The following ACER2 variants were observed in gnomAD, a reference collection of about 807,000 sequenced individuals.
ACER2 encodes alkCDase 2.
In ACER2, 26 loss-of-function variants were observed where a neutral mutation model predicts 34.7. The ratio of observed to expected loss-of-function variants is 0.75; its 90% CI spans 0.55 to 1.04. The LOEUF is 1.04. Among genes scored for constraint, ACER2 ranks in the 50% least tolerant of loss-of-function variants. The pLI is 0.00. For missense variants in ACER2, 352 were observed against 340.8 expected, an observed-to-expected ratio of 1.03 and a Z score of -0.26; for synonymous variants, 138 against 132.1, an observed-to-expected ratio of 1.04 and a Z score of -0.31.
intron 1 of ACER2, among the ~76,000 whole-genome samples, chr9:19,410,716 T>A (rs560720470): frequency 2.0e-5 from 3 of 152,096 alleles, no homozygotes; most frequent in Non-Finnish European, 2.9e-5. Context: ...AACCTGGCCC[T>A]CTGCTGACCA....
intron 4 of ACER2, among the ~76,000 whole-genome samples, chr9:19,444,873 G>A (rs962545734): frequency 6.6e-6 from 1 of 152,210 alleles, no homozygotes; most frequent in Non-Finnish European, 1.5e-5. Flanking sequence ...AACTTTTCAA[G>A]GGATGTATTT....
intron 3 of ACER2, among the ~76,000 whole-genome samples, chr9:19,430,421 C>T (rs376530785): frequency 6.2e-4 from 95 of 152,274 alleles, no homozygotes; most frequent in South Asian, 5.4e-3. Flanking sequence ...TCATCAATCA[C>T]AGTTTAGAAA....
chr9:19,445,651 T>C (rs1483020892), intron 4 of ACER2, among the ~76,000 whole-genome samples: 2 of 152,152 alleles, frequency 1.3e-5, no homozygotes, highest in African/African-American at 2.4e-5. Context: ...CTTGGGATAT[T>C]TGTGGAACAG....
At position 19,446,425 on chromosome 9, in the gene ACER2, C is replaced by G. The variant is rs761568090; in HGVS notation, c.641+7C>G. ...CCTACCTGCACTGCATGTGGTAAGC[C>G]CCTGCTAATGGGGAGGTGGCCGGGG... is the stretch of plus-strand genomic sequence containing the variant. On this transcript the variant is annotated splice_region_variant and intron_variant, in intron 5 of 5. Coordinates refer to ENST00000340967, the MANE Select transcript of ACER2 (RefSeq NM_001010887.3). 8 of 1,614,114 alleles carry G rather than the reference C, an allele frequency of 5.0e-6. No individual in the cohort carries two copies. Among genetic ancestry groups the G allele is most frequent in the Non-Finnish European group, 8.5e-7 (1 of 1,180,024 alleles).
In ACER2 at chr9:19,414,377, T is replaced by A. The variant is rs149509304; in HGVS notation, c.108+5185T>A. Among the ~76,000 whole-genome samples the A allele has an allele frequency of 4.1e-4, 62 of 152,358 alleles. 1 individual carries two copies. In the East Asian group the frequency reaches 0.012, roughly 29 times the overall value. ...CTTTATTTACCCTCTGTCTGGAAAG[T>A]GCACATTCAGATGCATCAGGATGAG... On this transcript the variant is annotated intron_variant, in intron 1 of 5. Coordinates refer to ENST00000340967, the MANE Select transcript of ACER2 (RefSeq NM_001010887.3).
intron 5 of ACER2, among the ~76,000 whole-genome samples, chr9:19,448,825 CTAT>C (rs1483946410): frequency 2.6e-5 from 4 of 152,062 alleles, no homozygotes; most frequent in African/African-American, 4.8e-5. Flanking sequence ...TTTGTCTGGT[CTAT>C]TGAGTGTTTC....
In ACER2 at chr9:19,417,999, T is replaced by C. The variant is rs979587160; in HGVS notation, c.109-5863T>C. ...AATCTACAAGGAACTTAAACAAATT[T>C]ACAAGAAAAAAAACAACCCCATCAA... On this transcript the variant is annotated intron_variant, in intron 1 of 5. Coordinates refer to ENST00000340967, the MANE Select transcript of ACER2 (RefSeq NM_001010887.3). Among the ~76,000 whole-genome samples, 8 of 151,998 alleles carry C rather than the reference T, an allele frequency of 5.3e-5. No homozygotes were observed. In the East Asian group the frequency reaches 5.8e-4, roughly 11 times the overall value.
At chr9:19,447,786 C>G (rs1276020783) in intron 5 of ACER2, among the ~76,000 whole-genome samples, 2 of 152,026 alleles carry the variant, frequency 1.3e-5, no homozygotes, top group East Asian at 3.8e-4. Flanking sequence ...CAAAGTTGAA[C>G]CATATTTTCT....
chr9:19,424,269 A>G, intron 2 of ACER2: 1 of 729,394 alleles, frequency 1.4e-6, no homozygotes, highest in Non-Finnish European at 1.7e-6. Context: ...AACTCTGGGG[A>G]GGCTGGTTTC....
At chr9:19,415,235 A>G (rs1340096382) in intron 1 of ACER2, among the ~76,000 whole-genome samples, 1 of 152,194 alleles carries the variant, frequency 6.6e-6, no homozygotes, top group African/African-American at 2.4e-5. Flanking sequence ...TTATGCCTGT[A>G]ATCCCAGCAC....
intron 1 of ACER2, among the ~76,000 whole-genome samples, chr9:19,418,914 C>T (rs10121186): frequency 6.7e-6 from 1 of 149,556 alleles, no homozygotes. Flanking sequence ...TGGCCGGGTG[C>T]GGTGGCCTGT....
At chr9:19,450,272 C>A in intron 5 of ACER2, 178 bp from the exon 6 acceptor site, 1 of 985,392 alleles carries the variant, frequency 1.0e-6, no homozygotes, top group Non-Finnish European at 1.2e-6. Flanking sequence ...GAAGATTTAT[C>A]ATCCTGCTAT....
At chr9:19,435,164 T>G in intron 4 of ACER2, 80 bp downstream of exon 4, 1 of 1,516,924 alleles carries the variant, frequency 6.6e-7, no homozygotes, top group Non-Finnish European at 8.9e-7. Context: ...TGCTGTCCTG[T>G]AGCAGAAGAG....
At chr9:19,443,278 T>G (rs1831219461) in intron 4 of ACER2, among the ~76,000 whole-genome samples, 1 of 152,092 alleles carries the variant, frequency 6.6e-6, no homozygotes, top group Non-Finnish European at 1.5e-5. Context: ...GTGATCCACC[T>G]GCTTCAGCCT....
chr9:19,409,644 C>T (rs1028412765), intron 1 of ACER2: 1 of 676,942 alleles, frequency 1.5e-6, no homozygotes, highest in African/African-American at 2.0e-5. Context: ...ACGCCCCCCG[C>T]AGGTCCCCGC....
chr9:19,434,908 C>G lies in ACER2; in HGVS notation c.366-39C>G, dbSNP rs1000766273. 5.0e-6 allele frequency: 8 copies of G among 1,605,192 alleles called. No homozygotes were observed. In the African/African-American group the frequency reaches 8.0e-5, roughly 16 times the overall value. ...TTAAACAAACAAACAAACAAGAACT[C>G]CTTTTCTAATGGATTTGGTTTTGCT... On this transcript the variant is annotated intron_variant, in intron 3 of 5. Transcript: ENST00000340967.
intron 1 of ACER2, among the ~76,000 whole-genome samples, chr9:19,418,830 A>T (rs931485581): frequency 4.6e-5 from 7 of 152,230 alleles, no homozygotes; most frequent in African/African-American, 1.7e-4. Context: ...ATATCCCAGA[A>T]CTTAAAGTGT....
intron 4 of ACER2, among the ~76,000 whole-genome samples, chr9:19,437,384 G>A (rs1831011235): frequency 1.3e-5 from 2 of 152,212 alleles, no homozygotes; most frequent in South Asian, 2.1e-4. Context: ...CTCATCTCCT[G>A]CCACCTCAGG....
At chr9:19,421,327 C>A (rs984627663) in intron 1 of ACER2, among the ~76,000 whole-genome samples, 10 of 152,052 alleles carry the variant, frequency 6.6e-5, no homozygotes, top group African/African-American at 2.4e-4. Flanking sequence ...CACATTCAGA[C>A]CATAGTACCC....
Sources: allele counts gnomAD v4.1 joint callset (sites outside exome capture counted in the v4.1 genomes callset), GRCh38; gene constraint gnomAD v4.1.1; transcripts MANE v1.5; gene names NCBI Gene and HGNC (gene_info 2026-07-23, HGNC 2026-07-21).